The following STARD13 variants were observed in gnomAD, a reference collection of about 807,000 sequenced individuals.
STARD13 encodes stAR-related lipid transfer protein 13.
A neutral mutation model predicts 106.4 loss-of-function variants in STARD13; 62 were observed. The observed-to-expected ratio is 0.58, with a 90% confidence interval of 0.48 to 0.72. The LOEUF (loss-of-function observed/expected upper bound fraction) is 0.72, where lower values mean the gene tolerates loss of function less well. Among genes scored for constraint, STARD13 ranks in the 30% least tolerant of loss-of-function variants. The pLI, the probability that STARD13 is intolerant of heterozygous loss-of-function variation, is 0.00. For missense variants in STARD13, 1,387 were observed against 1,424.0 expected (o/e 0.97, Z 0.42); for synonymous variants, 565 against 553.0 (o/e 1.02, Z -0.31).
At chr13:33,281,395 G>T (rs9569212) in intron 1 of STARD13, 31,059 of 147,924 alleles carry the variant, frequency 0.21, 3,932 homozygotes, top group East Asian at 0.5. Context: ...TTACATTTGG[G>T]TTTTCCAAAT....
At chr13:33,288,079 G>A (rs559840210), upstream of STARD13, among the ~76,000 whole-genome samples, 2 of 151,934 alleles carry the variant, frequency 1.3e-5, no homozygotes, top group Non-Finnish European at 2.9e-5. Flanking sequence ...ATTGCAGTGT[G>A]TCAAGGCGAG....
the STARD13 span, among the ~76,000 whole-genome samples, chr13:33,642,271 G>T: frequency 2.0e-5 from 3 of 152,332 alleles, no homozygotes; most frequent in Admixed American, 2.0e-4. Context: ...TAAACACCTG[G>T]ATTTAACAAA....
chr13:33,622,489 A>C, the STARD13 span, among the ~76,000 whole-genome samples: 3 of 151,750 alleles, frequency 2.0e-5, no homozygotes, highest in Non-Finnish European at 4.4e-5. Flanking sequence ...AATACAAAAA[A>C]CTAGTCGGGC....
chr13:33,631,969 T>C, the STARD13 span, among the ~76,000 whole-genome samples: 3 of 152,212 alleles, frequency 2.0e-5, no homozygotes, highest in African/African-American at 7.2e-5. Context: ...TTAAATAGAG[T>C]TTATCAGGTA....
chr13:33,105,713 G>C lies in STARD13; in HGVS notation c.3225-3C>G. 1 of 1,608,634 alleles carries C rather than the reference G, an allele frequency of 6.2e-7. No individual in the cohort carries two copies. Among genetic ancestry groups the C allele is most frequent in the Non-Finnish European group, 8.5e-7 (1 of 1,175,020 alleles). On this transcript the variant is annotated splice_polypyrimidine_tract_variant and splice_region_variant and intron_variant, in intron 13 of 13. Transcript: ENST00000336934. ...TGTACCATTCTGGGGAGTGACCTCTGTGGGGAAAGAAATCAGAAAGGAAGT... is the reference window on the plus strand; with the variant it reads ...TGTACCATTCTGGGGAGTGACCTCTCTGGGGAAAGAAATCAGAAAGGAAGT...
rs142906014 is a variant in STARD13 at position 33,129,561 on chromosome 13, C to A, written c.1116G>T (p.Gly372=). ...GGTCCCCTGCATCCGGCAGTGCTGT[C>A]CCCGCCAGCACATCTAGGTCCTCCA... ...MYLEDLDVLA[G]TALPDAGDQS... The change falls in exon 5 of 14, where the codon GGG becomes GGT. Residue 372 remains glycine (G), a synonymous_variant. Coordinates refer to ENST00000336934, the MANE Select transcript of STARD13 (RefSeq NM_178006.4). 7.2e-4 allele frequency: 1,163 copies of A among 1,614,180 alleles called. 4 individuals carry two copies. The highest frequency in any genetic ancestry group is 5.3e-3 in the Middle Eastern group (32 of 6,062).
the STARD13 span, among the ~76,000 whole-genome samples, chr13:33,593,542 A>T: frequency 6.6e-6 from 1 of 151,388 alleles, no homozygotes; most frequent in Non-Finnish European, 1.5e-5. Context: ...TAACCTCGAG[A>T]CTCTCTTTTC....
the STARD13 span, among the ~76,000 whole-genome samples, chr13:33,589,813 G>A: frequency 1.3e-5 from 2 of 152,120 alleles, no homozygotes; most frequent in African/African-American, 2.4e-5. Context: ...TGTCTATTAG[G>A]TCTGCTTGGT....
the STARD13 span, among the ~76,000 whole-genome samples, chr13:33,567,216 A>G: frequency 4.0e-5 from 6 of 148,662 alleles, no homozygotes; most frequent in African/African-American, 9.9e-5. Flanking sequence ...CAAATTCATA[A>G]CAAATATTCT....
the STARD13 span, among the ~76,000 whole-genome samples, chr13:33,410,344 C>A: frequency 3.9e-5 from 6 of 152,220 alleles, no homozygotes; most frequent in Non-Finnish European, 7.3e-5. Flanking sequence ...ACCCTCTCTT[C>A]AAAAGGCTCA....
chr13:33,520,658 G>T, the STARD13 span, among the ~76,000 whole-genome samples: 3 of 152,026 alleles, frequency 2.0e-5, no homozygotes, highest in Non-Finnish European at 4.4e-5. Context: ...CTGTCGTGAG[G>T]ATTTGCTTCA....
chr13:33,463,465 C>G, the STARD13 span, among the ~76,000 whole-genome samples: 1 of 152,164 alleles, frequency 6.6e-6, no homozygotes, highest in African/African-American at 2.4e-5. Context: ...ACATTGCGCA[C>G]TGGTGGATGT....
chr13:33,528,245 TATATATATATAC>T, the STARD13 span, among the ~76,000 whole-genome samples: 3 of 124,164 alleles, frequency 2.4e-5, no homozygotes, highest in African/African-American at 1.1e-4. Context: ...TATATATACA[TATATATATATAC>T]ATATATATAT....
At chr13:33,162,502 T>G (rs937940481) in intron 3 of STARD13, among the ~76,000 whole-genome samples, 10 of 152,250 alleles carry the variant, frequency 6.6e-5, no homozygotes, top group African/African-American at 2.4e-4. Flanking sequence ...TTTTCTGAAC[T>G]TTTATGCTCT....
the STARD13 span, among the ~76,000 whole-genome samples, chr13:33,668,005 C>A: frequency 6.6e-6 from 1 of 152,224 alleles, no homozygotes; most frequent in Non-Finnish European, 1.5e-5. Context: ...GAGCTATAAA[C>A]AATCCGGTTG....
intron 1 of STARD13, among the ~76,000 whole-genome samples, chr13:33,300,374 T>C (rs895232111): frequency 2.0e-5 from 3 of 152,218 alleles, no homozygotes; most frequent in African/African-American, 7.2e-5. Flanking sequence ...CATAGCTAGA[T>C]GTTTTCAATT....
intron 8 of STARD13, 76 bp from the exon 9 acceptor site, chr13:33,113,007 C>G: frequency 8.7e-7 from 1 of 1,145,148 alleles, no homozygotes; most frequent in East Asian, 2.4e-5. Flanking sequence ...GTGTAAGCTC[C>G]ACATTCCTCG....
intron 1 of STARD13, among the ~76,000 whole-genome samples, chr13:33,247,381 G>A (rs1410318802): frequency 6.6e-6 from 1 of 151,946 alleles, no homozygotes; most frequent in Admixed American, 6.6e-5. Context: ...TGGGGGCAAC[G>A]TGATGAGCAC....
At position 33,104,140 on chromosome 13, in the gene STARD13, A is replaced by C. The variant is rs564127190; in HGVS notation, c.*1453T>G. On this transcript the variant is annotated 3_prime_UTR_variant, in exon 14 of 14. Transcript: ENST00000336934. ...CCAACACCAGTTGCTAAATCTTATC[A>C]ATCTCTATTATGGATGACCAAAGAA... 1 of 152,344 alleles carries C rather than the reference A, an allele frequency of 6.6e-6. No homozygotes were observed. The highest frequency in any genetic ancestry group is 6.5e-5 in the Admixed American group (1 of 15,296). The allele number at this position is 152,344 out of a possible 1,614,324, so 9.4% of individuals were successfully genotyped here.
Sources: allele counts gnomAD v4.1 joint callset (sites outside exome capture counted in the v4.1 genomes callset), GRCh38; gene constraint gnomAD v4.1.1; transcripts MANE v1.5; gene names NCBI Gene and HGNC (gene_info 2026-07-23, HGNC 2026-07-21).